MTFR1: variants seen among roughly 807,000 people sequenced by gnomAD.
The protein encoded by MTFR1 is chondrocyte protein with a poly-proline region.
In MTFR1, 28 loss-of-function variants were observed where a neutral mutation model predicts 38.8. That is an observed-to-expected ratio of 0.72 (90% confidence interval 0.53 to 0.99). The LOEUF (loss-of-function observed/expected upper bound fraction) is 0.99. Ranked by LOEUF, MTFR1 falls within the 50% of genes least tolerant of loss-of-function variation. The pLI is 0.00. For synonymous variants in MTFR1, 145 were observed against 137.0 expected (o/e 1.06, Z -0.41); for missense variants, 358 against 395.5 (o/e 0.91, Z 0.81).
chr8:65,645,669 G>A (rs1292902907), intron 1 of MTFR1, among the ~76,000 whole-genome samples: 1 of 148,044 alleles, frequency 6.8e-6, no homozygotes, highest in Non-Finnish European at 1.5e-5. Context: ...GGGACTACAG[G>A]CAGGCGCCAT....
intron 1 of MTFR1, among the ~76,000 whole-genome samples, chr8:65,650,709 ATTTAT>A (rs1809099460): frequency 6.6e-6 from 1 of 152,184 alleles, no homozygotes; most frequent in Non-Finnish European, 1.5e-5. Context: ...GTTGATAGAC[ATTTAT>A]TTAGTTGCTT....
chr8:65,732,233 A>T (rs780165300), intron 3 of MTFR1, among the ~76,000 whole-genome samples: 1 of 152,156 alleles, frequency 6.6e-6, no homozygotes, highest in Non-Finnish European at 1.5e-5. Flanking sequence ...TCCTGACCTC[A>T]GGTGATTCAC....
intron 3 of MTFR1, chr8:65,727,431 T>G (rs1417491186): frequency 1.0e-5 from 14 of 1,333,914 alleles, no homozygotes; most frequent in Non-Finnish European, 1.4e-5. Context: ...ATTCCTCAGG[T>G]GGTTGTTCAT....
chr8:65,668,141 G>T (rs1325306411), intron 1 of MTFR1, among the ~76,000 whole-genome samples: 1 of 147,922 alleles, frequency 6.8e-6, no homozygotes, highest in Non-Finnish European at 1.5e-5. Flanking sequence ...ATACTGTTTG[G>T]TTTAGCTGAC....
chr8:65,736,359 T>C (rs908461031), intron 3 of MTFR1, among the ~76,000 whole-genome samples: 17 of 152,300 alleles, frequency 1.1e-4, no homozygotes, highest in African/African-American at 4.1e-4. Context: ...CAGACTACAG[T>C]TGACCATGGG....
chr8:65,671,199 G>T (rs1354546277), intron 2 of MTFR1, among the ~76,000 whole-genome samples: 3 of 151,986 alleles, frequency 2.0e-5, no homozygotes, highest in Admixed American at 6.6e-5. Context: ...TAAATTTATT[G>T]GTATTTTCAT....
At chr8:65,669,812 A>G in intron 1 of MTFR1, 61 bp from the exon 2 acceptor site, 1 of 734,072 alleles carries the variant, frequency 1.4e-6, no homozygotes, top group Non-Finnish European at 2.3e-6. Context: ...TGAGACATGT[A>G]GACAGTACAA....
chr8:65,773,814 G>A (rs908261044), downstream of MTFR1, among the ~76,000 whole-genome samples: 10 of 151,732 alleles, frequency 6.6e-5, no homozygotes, highest in East Asian at 1.9e-4. Context: ...CCACTAAAAC[G>A]TCCCATTATG....
At chr8:65,737,943 T>C (rs1288219824) in intron 3 of MTFR1, among the ~76,000 whole-genome samples, 7 of 152,238 alleles carry the variant, frequency 4.6e-5, no homozygotes, top group African/African-American at 1.4e-4. Flanking sequence ...CTACTTAAAA[T>C]TGAAAGATTT....
intron 1 of MTFR1, among the ~76,000 whole-genome samples, chr8:65,665,685 A>G (rs1425026528): frequency 2.0e-5 from 3 of 152,112 alleles, no homozygotes; most frequent in Admixed American, 6.6e-5. Context: ...TTAAAAAGAG[A>G]TGGGGTCTCG....
intron 2 of MTFR1, among the ~76,000 whole-genome samples, chr8:65,670,862 G>A (rs1267847358): frequency 1.3e-5 from 2 of 151,854 alleles, no homozygotes; most frequent in African/African-American, 2.4e-5. Flanking sequence ...ACACCACCAC[G>A]GCCAGCTAAT....
chr8:65,698,594 A>G (rs150017474), intron 4 of MTFR1, among the ~76,000 whole-genome samples: 412 of 152,342 alleles, frequency 2.7e-3, no homozygotes, highest in African/African-American at 9.6e-3. Flanking sequence ...CTGGTTAGTT[A>G]CATGGGTAAA....
At chr8:65,701,858 AAG>A (rs1805619035) in intron 4 of MTFR1, among the ~76,000 whole-genome samples, 1 of 152,192 alleles carries the variant, frequency 6.6e-6, no homozygotes, top group African/African-American at 2.4e-5. Flanking sequence ...CCAGAGGTGC[AAG>A]AGTAGGCCAG....
At chr8:65,674,669 G>A (rs1039313021) in intron 2 of MTFR1, among the ~76,000 whole-genome samples, 1 of 152,072 alleles carries the variant, frequency 6.6e-6, no homozygotes, top group African/African-American at 2.4e-5. Context: ...ATTTTGTTTT[G>A]TTTCATTTTT....
intron 1 of MTFR1, among the ~76,000 whole-genome samples, chr8:65,657,609 C>T (rs34740767): frequency 0.04 from 6,088 of 151,592 alleles, 160 homozygotes; most frequent in Middle Eastern, 0.072. Context: ...GTGGCTAAGG[C>T]AGGAGAATCA....
chr8:65,659,445 A>C (rs1354031690), intron 1 of MTFR1, among the ~76,000 whole-genome samples: 1 of 125,642 alleles, frequency 8.0e-6, no homozygotes. Context: ...TTTTTTTTTC[A>C]ATCCCTGACA....
chr8:65,772,332 T>TAAAAA (rs1196538709), downstream of MTFR1, among the ~76,000 whole-genome samples: 1 of 152,214 alleles, frequency 6.6e-6, no homozygotes, highest in African/African-American at 2.4e-5. Context: ...AAAATAGTCT[T>TAAAAA]ATTTTTAATT....
At chr8:65,659,671 G>A (rs1408274866) in intron 1 of MTFR1, among the ~76,000 whole-genome samples, 1 of 152,100 alleles carries the variant, frequency 6.6e-6, no homozygotes, top group Non-Finnish European at 1.5e-5. Flanking sequence ...GAAGCGGGTA[G>A]GCTGTTTACA....
At chr8:65,666,357 G>C (rs1804382224) in intron 1 of MTFR1, among the ~76,000 whole-genome samples, 1 of 152,252 alleles carries the variant, frequency 6.6e-6, no homozygotes, top group Non-Finnish European at 1.5e-5. Context: ...AGTGAGCTGA[G>C]ATCGCGCCAC....
Sources: allele counts gnomAD v4.1 joint callset (sites outside exome capture counted in the v4.1 genomes callset), GRCh38; gene constraint gnomAD v4.1.1; transcripts MANE v1.5; gene names NCBI Gene and HGNC (gene_info 2026-07-23, HGNC 2026-07-21).